The following GRIP1 variants were observed in gnomAD, a reference collection of about 807,000 sequenced individuals.
GRIP1 encodes the protein glutamate receptor interacting protein 1.
A neutral mutation model predicts 129.9 loss-of-function variants in GRIP1; 45 were observed. The observed-to-expected ratio is 0.35, with a 90% CI of 0.27 to 0.44. GRIP1 has a LOEUF of 0.44. Ranked by LOEUF, GRIP1 falls within the 20% of genes least tolerant of loss-of-function variation. The pLI is 1.00. For missense variants in GRIP1, 1,196 were observed against 1,396.8 expected, an observed-to-expected ratio of 0.86 and a Z score of 2.29; for synonymous variants, 530 against 520.8, an observed-to-expected ratio of 1.02 and a Z score of -0.24.
At chr12:66,872,954 G>T (rs1257678508) in intron 1 of GRIP1, among the ~76,000 whole-genome samples, 1 of 152,220 alleles carries the variant, frequency 6.6e-6, no homozygotes, top group South Asian at 2.1e-4. Context: ...GAATTGAAGA[G>T]TGACTTATGG....
At position 67,050,041 on chromosome 12, in the gene GRIP1, G is replaced by A. The variant is rs556712553; in HGVS notation, c.58+19009C>T. On this transcript the variant is annotated intron_variant, in intron 1 of 1. Coordinates refer to the GRIP1 transcript ENST00000643019. The stretch of plus-strand genomic sequence containing the variant: ...CTTTTCCTGGGGTGATTTTTTCATT[G>A]CTTTGAATTCATATATGTATTCATT... Among the ~76,000 whole-genome samples, 16 of 116,086 alleles carry A rather than the reference G, an allele frequency of 1.4e-4. No individual in the cohort carries two copies. In the East Asian group the frequency reaches 3.7e-3, roughly 27 times the overall value. The allele number at this position is 116,086 out of a possible 152,430, so 76.2% of individuals were successfully genotyped here.
At chr12:66,461,354 T>C (rs1372726494) in intron 9 of GRIP1, among the ~76,000 whole-genome samples, 1 of 152,204 alleles carries the variant, frequency 6.6e-6, no homozygotes, top group African/African-American at 2.4e-5. Context: ...ACAGTGTACA[T>C]TCTTATGGCT....
intron 2 of GRIP1, among the ~76,000 whole-genome samples, chr12:66,593,133 A>C (rs555247786): frequency 1.3e-5 from 2 of 152,318 alleles, no homozygotes; most frequent in East Asian, 3.9e-4. Context: ...TTTTATTCTT[A>C]CATTTAATGC....
upstream of GRIP1, among the ~76,000 whole-genome samples, chr12:66,805,383 AT>A (rs61371317): frequency 1.3e-5 from 2 of 151,760 alleles, no homozygotes; most frequent in South Asian, 2.1e-4. Context: ...ATCATGAATA[AT>A]TTTTTTTTCT....
At chr12:66,790,772 T>C (rs921032232) in intron 1 of GRIP1, among the ~76,000 whole-genome samples, 2 of 151,286 alleles carry the variant, frequency 1.3e-5, no homozygotes, top group African/African-American at 2.4e-5. Context: ...CAGAAGACAG[T>C]TGGAAAGATA....
At chr12:66,747,120 T>C (rs2136591918) in intron 1 of GRIP1, among the ~76,000 whole-genome samples, 1 of 152,234 alleles carries the variant, frequency 6.6e-6, no homozygotes, top group East Asian at 1.9e-4. Flanking sequence ...AAAGAGCCTA[T>C]TTAGTTGGAT....
At chr12:66,490,543 C>T (rs1010485075) in intron 7 of GRIP1, among the ~76,000 whole-genome samples, 1 of 152,126 alleles carries the variant, frequency 6.6e-6, no homozygotes, top group African/African-American at 2.4e-5. Context: ...AACATCTAGG[C>T]AATACCATTC....
intron 3 of GRIP1, among the ~76,000 whole-genome samples, chr12:66,539,504 G>A (rs1230387189): frequency 1.2e-5 from 1 of 81,024 alleles, no homozygotes; most frequent in Non-Finnish European, 2.5e-5. Flanking sequence ...CTTTTTGCCT[G>A]TTTTATTTTT....
At chr12:67,065,738 C>T (rs1029836125) in intron 1 of GRIP1, among the ~76,000 whole-genome samples, 14 of 152,018 alleles carry the variant, frequency 9.2e-5, no homozygotes, top group Non-Finnish European at 1.6e-4. Flanking sequence ...GGTATGGTAC[C>T]GGCAAAAGAA....
intron 2 of GRIP1, among the ~76,000 whole-genome samples, chr12:66,570,414 A>G (rs1011294663): frequency 6.6e-6 from 1 of 152,184 alleles, no homozygotes; most frequent in Non-Finnish European, 1.5e-5. Context: ...CCGGGCCTCA[A>G]CTGAAATTCT....
intron 1 of GRIP1, among the ~76,000 whole-genome samples, chr12:66,724,220 A>G (rs1342621085): frequency 6.6e-6 from 1 of 152,180 alleles, no homozygotes; most frequent in African/African-American, 2.4e-5. Context: ...CAGGGCTGGC[A>G]GTCATTTCTT....
At chr12:67,040,827 C>T (rs758506972) in intron 1 of GRIP1, among the ~76,000 whole-genome samples, 1 of 152,158 alleles carries the variant, frequency 6.6e-6, no homozygotes, top group Non-Finnish European at 1.5e-5. Flanking sequence ...GACCACAGTG[C>T]CCAGATACTC....
chr12:66,827,429 C>T (rs889901215), intron 1 of GRIP1, among the ~76,000 whole-genome samples: 4 of 139,914 alleles, frequency 2.9e-5, no homozygotes, highest in East Asian at 2.2e-4. Flanking sequence ...CACAAGACAG[C>T]GAGAGCAAGA....
chr12:66,523,966 C>A (rs1302110846), intron 5 of GRIP1, among the ~76,000 whole-genome samples: 2 of 152,158 alleles, frequency 1.3e-5, no homozygotes, highest in Non-Finnish European at 2.9e-5. Flanking sequence ...ATCAATTCAA[C>A]AAGAAGAGCT....
intron 1 of GRIP1, among the ~76,000 whole-genome samples, chr12:66,728,227 G>C (rs1024125083): frequency 6.6e-6 from 1 of 152,140 alleles, no homozygotes. Context: ...ATTAGGTTTG[G>C]CTATAAGTGA....
chr12:67,009,070 A>G (rs754799241), intron 1 of GRIP1, among the ~76,000 whole-genome samples: 2 of 152,196 alleles, frequency 1.3e-5, no homozygotes, highest in Non-Finnish European at 2.9e-5. Context: ...AAAATAGGAT[A>G]GCAATGACTT....
At chr12:66,725,900 T>C (rs577286754) in intron 1 of GRIP1, among the ~76,000 whole-genome samples, 116 of 152,280 alleles carry the variant, frequency 7.6e-4, no homozygotes, top group African/African-American at 2.7e-3. Flanking sequence ...GAAAAACAAA[T>C]TCAATAAACC....
chr12:66,352,013 C>G (rs2054250060), intron 24 of GRIP1, among the ~76,000 whole-genome samples: 1 of 152,150 alleles, frequency 6.6e-6, no homozygotes, highest in Non-Finnish European at 1.5e-5. Flanking sequence ...ATTAGAAGAG[C>G]ATTCAGAGAA....
intron 16 of GRIP1, among the ~76,000 whole-genome samples, chr12:66,403,344 T>G (rs2057076952): frequency 6.6e-6 from 1 of 152,228 alleles, no homozygotes; most frequent in African/African-American, 2.4e-5. Context: ...ATTTGCTCTT[T>G]GTGAAGATTT....
Sources: gnomAD v4.1 joint callset for allele counts (sites outside exome capture counted in the v4.1 genomes callset) on GRCh38, gnomAD v4.1.1 for gene constraint, MANE v1.5 for transcripts, NCBI Gene and HGNC (gene_info 2026-07-23, HGNC 2026-07-21) for gene names.